ITSN1: variants seen among roughly 807,000 people sequenced by gnomAD.
ITSN1 encodes intersectin-1.
In ITSN1, 58 loss-of-function variants were observed where a neutral mutation model predicts 239.8. The ratio of observed to expected loss-of-function variants is 0.24; its 90% confidence interval spans 0.20 to 0.30. ITSN1 has a LOEUF of 0.30. Among genes scored for constraint, ITSN1 ranks in the 10% least tolerant of loss-of-function variants. The probability of loss-of-function intolerance (pLI) is 1.00; values close to 1 mark genes in which losing one functional copy is unlikely to be tolerated. For missense variants in ITSN1, 1,558 were observed against 2,103.3 expected, an observed-to-expected ratio of 0.74 and a Z score of 5.07; for synonymous variants, 780 against 770.8, an observed-to-expected ratio of 1.01 and a Z score of -0.20.
chr21:33,849,931 A>G (rs2075106075), intron 29 of ITSN1, among the ~76,000 whole-genome samples: 1 of 152,186 alleles, frequency 6.6e-6, no homozygotes, highest in African/African-American at 2.4e-5. Context: ...AGCTACTCAT[A>G]CTACAGGAGA....
At chr21:33,868,245 G>A (rs1166562230) in intron 33 of ITSN1, among the ~76,000 whole-genome samples, 1 of 152,246 alleles carries the variant, frequency 6.6e-6, no homozygotes, top group Admixed American at 6.5e-5. Context: ...CAGGAGCCTA[G>A]CTGGCTTCAC....
chr21:33,766,471 G>A (rs2068727049), intron 10 of ITSN1, among the ~76,000 whole-genome samples: 1 of 152,182 alleles, frequency 6.6e-6, no homozygotes, highest in Admixed American at 6.5e-5. Context: ...AAGATGTCAA[G>A]AGAGTCACCT....
intron 14 of ITSN1, among the ~76,000 whole-genome samples, chr21:33,779,027 A>C (rs2069913928): frequency 1.4e-5 from 2 of 141,208 alleles, no homozygotes; most frequent in African/African-American, 2.6e-5. Context: ...CCTTTCTCCT[A>C]CTCTATCTCT....
chr21:33,845,231 C>G (rs1602571351), intron 29 of ITSN1, among the ~76,000 whole-genome samples: 1 of 139,172 alleles, frequency 7.2e-6, no homozygotes, highest in Non-Finnish European at 1.5e-5. Flanking sequence ...CGAGAAAGCT[C>G]TCTGAAGAGG....
At chr21:33,668,772 A>G (rs780146648) in intron 1 of ITSN1, among the ~76,000 whole-genome samples, 4 of 152,332 alleles carry the variant, frequency 2.6e-5, no homozygotes, top group East Asian at 3.9e-4. Flanking sequence ...TCCCAGTGGA[A>G]CAGTGCAAGC....
At chr21:33,789,211 A>T (rs2070908210) in intron 16 of ITSN1, among the ~76,000 whole-genome samples, 1 of 152,194 alleles carries the variant, frequency 6.6e-6, no homozygotes, top group African/African-American at 2.4e-5. Flanking sequence ...CGTATACTAC[A>T]TATTATCCCT....
At chr21:33,762,705 T>C (rs2068433732) in intron 9 of ITSN1, among the ~76,000 whole-genome samples, 1 of 149,814 alleles carries the variant, frequency 6.7e-6, no homozygotes, top group South Asian at 2.1e-4. Context: ...GTCTCACTCT[T>C]TCATCCAGAT....
intron 20 of ITSN1, among the ~76,000 whole-genome samples, chr21:33,803,211 A>G (rs1179160120): frequency 1.3e-5 from 2 of 152,238 alleles, no homozygotes; most frequent in African/African-American, 4.8e-5. Flanking sequence ...TATAATATAC[A>G]TTGTTAGCAT....
In ITSN1 at chr21:33,882,022, C is replaced by T. The variant is rs1435135942; in HGVS notation, c.4342-221C>T. ...CACTGGCATGCTCCTAGAGGAAAAG[C>T]CTTAGAAATTACCATTGAGACTCTT... On this transcript the variant is annotated intron_variant, in intron 34 of 39. Coordinates refer to ENST00000381318, the MANE Select transcript of ITSN1 (RefSeq NM_003024.3). This position sits in a 1 kb window ranked among gnomAD's most constrained non-coding sequence, Gnocchi z 4.5. 6.6e-6 allele frequency among the ~76,000 whole-genome samples: 1 copy of T among 151,766 alleles called. No homozygotes were observed. The highest frequency in any genetic ancestry group is 1.5e-5 in the Non-Finnish European group (1 of 67,970).
chr21:33,855,524 C>A (rs1458334434), intron 29 of ITSN1, among the ~76,000 whole-genome samples: 4 of 152,260 alleles, frequency 2.6e-5, no homozygotes, highest in African/African-American at 9.6e-5. Flanking sequence ...AAATAAAGAA[C>A]CTCTGATAAA....
intron 17 of ITSN1, among the ~76,000 whole-genome samples, chr21:33,796,188 G>T (rs1399941963): frequency 6.6e-6 from 1 of 151,916 alleles, no homozygotes; most frequent in African/African-American, 2.4e-5. Context: ...CTCCTGGCTG[G>T]TCTAGAACTC....
chr21:33,748,022 T>C (rs1044758002), intron 5 of ITSN1, among the ~76,000 whole-genome samples: 2 of 152,226 alleles, frequency 1.3e-5, no homozygotes, highest in African/African-American at 4.8e-5. Flanking sequence ...ATTATTGGGC[T>C]TATAACATAT....
chr21:33,774,456 G>C (rs998951279), intron 12 of ITSN1: 1 of 268,966 alleles, frequency 3.7e-6, no homozygotes, highest in Non-Finnish European at 6.9e-6. Flanking sequence ...ATTCTTGAAG[G>C]CATAAAGAAT....
At chr21:33,718,588 T>C (rs988488964) in intron 1 of ITSN1, among the ~76,000 whole-genome samples, 4 of 152,150 alleles carry the variant, frequency 2.6e-5, no homozygotes, top group Non-Finnish European at 5.9e-5. Context: ...TTTTAATCCA[T>C]GGGAGGTCTT....
rs1212618773 is a variant in ITSN1 at position 33,750,075 on chromosome 21, G to C, written c.347-68G>C. 2.1e-6 allele frequency: 3 copies of C among 1,406,010 alleles called. No individual in the cohort carries two copies. In the East Asian group the frequency reaches 7.0e-5, roughly 33 times the overall value. 87.1% of individuals were successfully genotyped at this position (1,406,010 alleles called of 1,614,324 possible). On this transcript the variant is annotated intron_variant, in intron 5 of 39. Coordinates refer to ENST00000381318, the MANE Select transcript of ITSN1 (RefSeq NM_003024.3). ...AAGTGATTTTCTTTAAGCAGTACTG[G>C]GTTAATTATTATTCAGTGTTGAAAT...
At chr21:33,652,396 T>C (rs1036400969) in intron 1 of ITSN1, among the ~76,000 whole-genome samples, 2 of 152,206 alleles carry the variant, frequency 1.3e-5, no homozygotes, top group Non-Finnish European at 2.9e-5. Context: ...TTCGTTGCCT[T>C]GCCAGTTTGT....
intron 1 of ITSN1, among the ~76,000 whole-genome samples, chr21:33,690,847 TAAAAA>T (rs755469647): frequency 2.0e-5 from 1 of 49,414 alleles, no homozygotes; most frequent in African/African-American, 7.0e-5. Context: ...ATGTAAAAGT[TAAAAA>T]AAAAAAAAAA....
intron 1 of ITSN1, among the ~76,000 whole-genome samples, chr21:33,690,148 C>T (rs969882712): frequency 6.6e-5 from 10 of 150,878 alleles, no homozygotes; most frequent in African/African-American, 1.7e-4. Context: ...CGTGGTGGTG[C>T]ATGCCTGTAG....
In ITSN1 at chr21:33,895,353, A is replaced by G. The variant is rs1332718076; in HGVS notation, c.*7053A>G. 2 of 152,448 alleles carry G rather than the reference A, an allele frequency of 1.3e-5. No individual in the cohort carries two copies. The highest frequency in any genetic ancestry group is 2.9e-5 in the Non-Finnish European group (2 of 68,244). 9.4% of individuals were successfully genotyped at this position (152,448 alleles called of 1,614,324 possible). On this transcript the variant is annotated 3_prime_UTR_variant, in exon 40 of 40. Coordinates refer to ENST00000381318, the MANE Select transcript of ITSN1 (RefSeq NM_003024.3). Reference sequence around the variant, plus strand: ...CTACTTGTAGACTTTGACTTCTGGAATTTTAGGTGGAAGGGAATTTTTGTT... The same window carrying G: ...CTACTTGTAGACTTTGACTTCTGGAGTTTTAGGTGGAAGGGAATTTTTGTT...
Sources: allele counts gnomAD v4.1 joint callset (sites outside exome capture counted in the v4.1 genomes callset), GRCh38; gene constraint gnomAD v4.1.1; non-coding constraint Gnocchi (gnomAD v3.1); transcripts MANE v1.5; gene names NCBI Gene and HGNC (gene_info 2026-07-23, HGNC 2026-07-21).